The following RAPGEF2 variants were observed in gnomAD, a reference collection of about 807,000 sequenced individuals.
The protein encoded by RAPGEF2 is PDZ domain containing guanine nucleotide exchange factor (GEF) 1.
RAPGEF2 carries 54 observed loss-of-function variants against 186.7 expected under a neutral mutation model. That is an observed-to-expected ratio of 0.29 (90% CI 0.23 to 0.36). RAPGEF2 has a LOEUF of 0.36. RAPGEF2 is among the 10% of genes least tolerant of loss of function. The pLI is 1.00. For synonymous variants in RAPGEF2, 712 were observed against 705.9 expected, an observed-to-expected ratio of 1.01 and a Z score of -0.14; for missense variants, 1,532 against 2,045.0, an observed-to-expected ratio of 0.75 and a Z score of 4.84.
At chr4:159,138,469 G>T (rs954041049) in intron 1 of RAPGEF2, among the ~76,000 whole-genome samples, 1 of 152,104 alleles carries the variant, frequency 6.6e-6, no homozygotes, top group East Asian at 1.9e-4. Flanking sequence ...CAGGTGTAGG[G>T]AGAGGTAAGA....
chr4:159,354,459 C>A (rs549743667), intron 28 of RAPGEF2, among the ~76,000 whole-genome samples: 1 of 152,136 alleles, frequency 6.6e-6, no homozygotes, highest in African/African-American at 2.4e-5. Flanking sequence ...TAGAACTATA[C>A]GCTTTGTATA....
chr4:159,323,037 A>T (rs1160004302), intron 10 of RAPGEF2, among the ~76,000 whole-genome samples: 3 of 152,202 alleles, frequency 2.0e-5, no homozygotes, highest in African/African-American at 4.8e-5. Flanking sequence ...ACAGAATTTC[A>T]TATGAAAATA....
In RAPGEF2 at chr4:159,157,277, C is replaced by T. The variant is rs938728274; in HGVS notation, c.70-29365C>T. On this transcript the variant is annotated intron_variant, in intron 1 of 29. Transcript: ENST00000691494. ...CTTAGGTGGTTATAGCTGAGTATGT[C>T]TGAATGAAACTGCTGTGTGATAGCA... Among the ~76,000 whole-genome samples the T allele has an allele frequency of 2.9e-4, 44 of 152,110 alleles. No individual in the cohort carries two copies. In the Middle Eastern group the frequency reaches 0.01, roughly 35 times the overall value.
intron 7 of RAPGEF2, among the ~76,000 whole-genome samples, chr4:159,282,933 T>TA (rs1759926991): frequency 6.6e-6 from 1 of 152,204 alleles, no homozygotes; most frequent in East Asian, 1.9e-4. Context: ...TAACTGCACA[T>TA]ACTGCTGTAT....
intron 1 of RAPGEF2, among the ~76,000 whole-genome samples, chr4:159,172,535 T>G (rs1485225509): frequency 1.3e-5 from 2 of 152,068 alleles, no homozygotes; most frequent in East Asian, 3.9e-4. Flanking sequence ...ATGTTGGGGG[T>G]GGGATGTCAG....
intron 1 of RAPGEF2, among the ~76,000 whole-genome samples, chr4:159,169,590 C>G (rs947391408): frequency 9.2e-5 from 14 of 152,078 alleles, no homozygotes; most frequent in Non-Finnish European, 1.9e-4. Context: ...ACAGCCCCCC[C>G]TCCCCAGCCC....
chr4:159,331,559 T>A (rs774231287), intron 14 of RAPGEF2, 21 bp downstream of exon 14: 50 of 1,610,740 alleles, frequency 3.1e-5, no homozygotes, highest in African/African-American at 5.3e-5. Flanking sequence ...TGGTTTTTTT[T>A]AAGATCAGCT....
intron 2 of RAPGEF2, among the ~76,000 whole-genome samples, chr4:159,188,182 G>A (rs556539993): frequency 1.4e-4 from 21 of 151,998 alleles, no homozygotes; most frequent in African/African-American, 2.9e-4. Context: ...AATTGCGTGC[G>A]GTTAATTCAT....
intron 7 of RAPGEF2, among the ~76,000 whole-genome samples, chr4:159,281,017 C>T (rs1385863807): frequency 1.3e-5 from 2 of 148,254 alleles, no homozygotes; most frequent in East Asian, 2.0e-4. Context: ...GACGGAGTCT[C>T]GGTCTGTCTC....
chr4:159,295,830 A>AGGTTTT (rs1761950843), intron 7 of RAPGEF2, among the ~76,000 whole-genome samples: 1 of 151,844 alleles, frequency 6.6e-6, no homozygotes, highest in African/African-American at 2.4e-5. Flanking sequence ...ATAAAAGACA[A>AGGTTTT]GGTTTTGTTT....
chr4:159,121,384 A>G (rs1739664022), intron 1 of RAPGEF2, among the ~76,000 whole-genome samples: 1 of 143,666 alleles, frequency 7.0e-6, no homozygotes, highest in Non-Finnish European at 1.5e-5. Flanking sequence ...CCTTTCTGAG[A>G]TAGGGTCTTC....
chr4:159,152,308 G>A (rs1579316833), intron 1 of RAPGEF2, among the ~76,000 whole-genome samples: 1 of 152,040 alleles, frequency 6.6e-6, no homozygotes, highest in East Asian at 1.9e-4. Context: ...GTGACAGAGC[G>A]AGACTCTGTC....
intron 8 of RAPGEF2, 36 bp downstream of exon 8, chr4:159,304,509 T>A: frequency 6.4e-7 from 1 of 1,561,794 alleles, no homozygotes; most frequent in African/African-American, 1.4e-5. Context: ...TGCTTCATTT[T>A]CATTTATTCC....
At chr4:159,174,474 G>C (rs1746243392) in intron 1 of RAPGEF2, among the ~76,000 whole-genome samples, 1 of 152,166 alleles carries the variant, frequency 6.6e-6, no homozygotes, top group Non-Finnish European at 1.5e-5. Context: ...AGACGAATGG[G>C]ATAAAAGAGT....
chr4:159,130,772 A>C (rs1163558513), intron 1 of RAPGEF2, among the ~76,000 whole-genome samples: 2 of 151,848 alleles, frequency 1.3e-5, no homozygotes, highest in Non-Finnish European at 2.9e-5. Flanking sequence ...GTGCAGTGGC[A>C]CAATCTCGGC....
At position 159,260,753 on chromosome 4, in the gene RAPGEF2, A is replaced by G. The variant is rs528478851; in HGVS notation, c.543+16962A>G. ...TATTTATTAGAGGAAAAGGTTAATT[A>G]TTATTATTTTTTGAGACGGAGTTTC... On this transcript the variant is annotated intron_variant, in intron 7 of 29. Transcript: ENST00000691494. Among the ~76,000 whole-genome samples, 7 of 152,204 alleles carry G rather than the reference A, an allele frequency of 4.6e-5. No homozygotes were observed. The South Asian group carries it at 1.5e-3, about 32-fold the overall frequency.
intron 7 of RAPGEF2, among the ~76,000 whole-genome samples, chr4:159,260,712 A>G (rs1011105836): frequency 1.3e-5 from 2 of 152,192 alleles, no homozygotes; most frequent in Non-Finnish European, 2.9e-5. Flanking sequence ...AGAACTTAGT[A>G]AATCCTAACA....
At chr4:159,111,336 C>T (rs1738471416) in intron 1 of RAPGEF2, among the ~76,000 whole-genome samples, 1 of 152,232 alleles carries the variant, frequency 6.6e-6, no homozygotes, top group Non-Finnish European at 1.5e-5. Flanking sequence ...TTGTCTTCCG[C>T]TGGCTGTTGT....
rs374637129 is a variant in RAPGEF2 at position 159,330,442 on chromosome 4, A to G, written c.1411A>G (p.Met471Val). 25 of 1,608,532 alleles carry G rather than the reference A, an allele frequency of 1.6e-5. No homozygotes were observed. Among genetic ancestry groups the G allele is most frequent in the Non-Finnish European group, 2.0e-5 (23 of 1,178,474 alleles). Residue 471 changes from methionine to valine, a missense_variant, in exon 13 of 30, where the codon ATG becomes GTG. Transcript: ENST00000691494. ...LTYRTFLSSP[M>V]EVGKKLLEWF... is the part of the protein sequence containing the mutation. ...CTATAGGACTTTTCTTTCTAGCCCA[A>G]TGGAAGTGGGCAAAAAGTTATTGGA... is the stretch of plus-strand genomic sequence containing the variant.
Sources: gnomAD v4.1 joint callset for allele counts (sites outside exome capture counted in the v4.1 genomes callset) on GRCh38, gnomAD v4.1.1 for gene constraint, MANE v1.5 for transcripts, NCBI Gene and HGNC (gene_info 2026-07-23, HGNC 2026-07-21) for gene names.